Variants in DHX37 observed in about 807,000 individuals in gnomAD.
DHX37 encodes DEAH-box helicase 37, also known as probable ATP-dependent RNA helicase DHX37.
In DHX37, 52 loss-of-function variants were observed where a neutral mutation model predicts 134.3. That is an observed-to-expected ratio of 0.39 (90% confidence interval 0.31 to 0.49). The LOEUF is 0.49. DHX37 is among the 20% of genes least tolerant of loss of function. The probability of loss-of-function intolerance (pLI) is 0.93; values close to 1 mark genes in which losing one functional copy is unlikely to be tolerated. For synonymous variants in DHX37, 634 were observed against 670.7 expected, an observed-to-expected ratio of 0.95 and a Z score of 0.85; for missense variants, 1,344 against 1,580.8, an observed-to-expected ratio of 0.85 and a Z score of 2.54.
Position 124,980,546 on chromosome 12 carries a change from T to C in DHX37, c.682A>G (p.Arg228Gly), listed in dbSNP as rs529321042. ...PPPAAAPPLP[R>G]ALAKPAVFIP... is the part of the protein sequence containing the mutation. Reference sequence around the variant, plus strand: ...AAGACGGCGGGCTTAGCCAGGGCCCTGGGCAGTGGTGGGGCTGCAGCTGGA... The same window carrying C: ...AAGACGGCGGGCTTAGCCAGGGCCCCGGGCAGTGGTGGGGCTGCAGCTGGA... Residue 228 changes from arginine to glycine, a missense_variant, in exon 4 of 27, where the codon AGG becomes GGG. This residue lies in a region of DHX37 where 77 missense variants were observed against 121.6 expected (regional missense o/e 0.63). Coordinates refer to ENST00000308736, the MANE Select transcript of DHX37 (RefSeq NM_032656.4). The surrounding 1 kb of genome is among the most constrained non-coding windows in gnomAD (Gnocchi z 5.3). 1.2e-4 allele frequency: 200 copies of C among 1,612,374 alleles called. No homozygotes were observed. The South Asian group carries it at 2.1e-3, about 17-fold the overall frequency.
intron 16 of DHX37, among the ~76,000 whole-genome samples, chr12:124,957,556 C>T (rs996871953): frequency 1.3e-5 from 2 of 152,156 alleles, no homozygotes; most frequent in Non-Finnish European, 1.5e-5. Flanking sequence ...GAGGCTGAGG[C>T]GGGTAGATCA....
At chr12:124,957,405 T>C (rs1414839447) in intron 16 of DHX37, among the ~76,000 whole-genome samples, 2 of 152,204 alleles carry the variant, frequency 1.3e-5, no homozygotes, top group Middle Eastern at 6.3e-3. Flanking sequence ...CGCTGGGTGC[T>C]TTTTTCGGTT....
chr12:124,947,995 G>A, intron 26 of DHX37, 89 bp downstream of exon 26: 1 of 1,613,462 alleles, frequency 6.2e-7, no homozygotes, highest in East Asian at 2.2e-5. Context: ...CTTCTGCCAA[G>A]CCAGGGCTGA....
chr12:124,971,285 C>A lies in DHX37; in HGVS notation c.1191+17G>T. 1.9e-6 allele frequency: 3 copies of A among 1,609,482 alleles called. No individual in the cohort carries two copies. The highest frequency in any genetic ancestry group is 2.5e-6 in the Non-Finnish European group (3 of 1,178,898). On this transcript the variant is annotated intron_variant, in intron 8 of 26. Coordinates refer to ENST00000308736, the MANE Select transcript of DHX37 (RefSeq NM_032656.4). ...GCCTAGGGCTCGGGGCTCCCCAGCA[C>A]CCGCCTCCTGCGCTACCTTAGCCCG...
intron 5 of DHX37, among the ~76,000 whole-genome samples, chr12:124,976,576 T>C (rs534608087): frequency 4.3e-4 from 66 of 152,252 alleles, no homozygotes; most frequent in Admixed American, 2.9e-3. Flanking sequence ...ATGCCTGTAA[T>C]CCCAGCACTT....
In DHX37 at chr12:124,964,613, G is replaced by A. The variant is rs1326017860; in HGVS notation, c.1826C>T (p.Pro609Leu). 6.2e-7 allele frequency: 1 copy of A among 1,610,814 alleles called. No individual in the cohort carries two copies. Among genetic ancestry groups the A allele is most frequent in the Admixed American group, 1.7e-5 (1 of 58,340 alleles). ...AACACACAACCGAGTCCCCTCCGGT[G>A]GAGGCTTAAAGACCTAGGATTCGGG... ...PEKQAQVFKP[P>L]PEGTRLCVVA... Residue 609 changes from proline to leucine, a missense_variant, in exon 15 of 27, where the codon CCA (proline) becomes CTA (leucine). Around this residue, in one of 7 missense-constraint regions of DHX37, gnomAD observed 289 missense variants for 323.8 expected, o/e 0.89. Transcript: ENST00000308736.
Position 124,952,252 on chromosome 12 carries a change from G to A in DHX37, c.2868+146C>T, listed in dbSNP as rs545620991. On this transcript the variant is annotated intron_variant, in intron 21 of 26. Coordinates refer to ENST00000308736, the MANE Select transcript of DHX37 (RefSeq NM_032656.4). ...TTGGGAGAAACTAACCAAGGAAGAT[G>A]TGATTCTACTGCAAGCCCCACTTGT... 5.3e-5 allele frequency: 42 copies of A among 786,412 alleles called. 1 individual carries two copies. In the East Asian group the frequency reaches 1.2e-3, roughly 23 times the overall value. The allele number at this position is 786,412 out of a possible 1,614,324, so 48.7% of individuals were successfully genotyped here.
At position 124,950,400 on chromosome 12, in the gene DHX37, T is replaced by C. The variant is rs769371833; in HGVS notation, c.3121+13A>G. 5.2e-5 allele frequency: 83 copies of C among 1,598,510 alleles called. No homozygotes were observed. Among genetic ancestry groups the C allele is most frequent in the Non-Finnish European group, 6.8e-5 (80 of 1,172,604 alleles). Reference sequence around the variant, plus strand: ...AGGAGGCTCAGGTTGCCCAGGACACTGCCCCAACTCACAGAACACGCTGGC... The same window carrying C: ...AGGAGGCTCAGGTTGCCCAGGACACCGCCCCAACTCACAGAACACGCTGGC... On this transcript the variant is annotated intron_variant, in intron 23 of 26. Transcript: ENST00000308736.
chr12:124,985,490 A>G (rs1954849594), intron 2 of DHX37, among the ~76,000 whole-genome samples: 1 of 151,516 alleles, frequency 6.6e-6, no homozygotes, highest in Non-Finnish European at 1.5e-5. Context: ...TAATCCCAGC[A>G]CTTTGGGAGG....
Position 124,960,321 on chromosome 12 carries a change from G to C in DHX37, c.2148C>G (p.Asn716Lys), listed in dbSNP as rs766329234. 20 of 1,613,408 alleles carry C rather than the reference G, an allele frequency of 1.2e-5. No homozygotes were observed. Among genetic ancestry groups the C allele is most frequent in the Non-Finnish European group, 1.7e-5 (20 of 1,179,516 alleles). ...GGGGGCAGCAACTGACCTTTTCAAC[G>C]TTGAGCGCCTTCATTTGAAGGATTA... ...EDLILQMKAL[N>K]VEKVINFPFP... is the part of the protein sequence containing the mutation. The change falls in exon 16 of 27, where the codon AAC becomes AAG. Residue 716 changes from asparagine to lysine, a missense_variant. By Grantham distance (94) the Asn-to-Lys change is moderately conservative (BLOSUM62 0). Transcript: ENST00000308736.
At position 124,986,319 on chromosome 12, in the gene DHX37, G is replaced by A. The variant is rs180864276; in HGVS notation, c.107-54C>T. 9.6e-5 allele frequency: 152 copies of A among 1,588,564 alleles called. 1 individual carries two copies. In the African/African-American group the frequency reaches 1.6e-3, roughly 17 times the overall value. On this transcript the variant is annotated intron_variant, in intron 1 of 26. Coordinates refer to ENST00000308736, the MANE Select transcript of DHX37 (RefSeq NM_032656.4). Reference sequence around the variant, plus strand: ...TTCTCCTTGAGGTAGCTCTGGTCCCGCCTCCCACAAGCCCCCTGACTTGCA... The same window carrying A: ...TTCTCCTTGAGGTAGCTCTGGTCCCACCTCCCACAAGCCCCCTGACTTGCA...
At chr12:124,948,015 A>T (rs1259339200) in intron 26 of DHX37, 69 bp downstream of exon 26, 1 of 1,613,782 alleles carries the variant, frequency 6.2e-7, no homozygotes, top group African/African-American at 1.3e-5. Context: ...ACCGTGCACA[A>T]AGCACAAAGC....
chr12:124,959,601 C>A (rs1954185078), intron 16 of DHX37, among the ~76,000 whole-genome samples: 1 of 152,138 alleles, frequency 6.6e-6, no homozygotes, highest in Non-Finnish European at 1.5e-5. Flanking sequence ...TTCACAAAAC[C>A]ACAGGAATAA....
chr12:124,981,680 C>A (rs1279943946), intron 3 of DHX37, among the ~76,000 whole-genome samples: 1 of 151,914 alleles, frequency 6.6e-6, no homozygotes, highest in South Asian at 2.1e-4. Context: ...GGTGATCCAC[C>A]CGCCTCGGCC....
rs1423666547 is a variant in DHX37, at chr12:124,954,807, T to A, written c.2454-596A>T. ...TGGCTTCCAAACCTGAAAATAATAC[T>A]AACACTTAACATATGTGTCAGGCAC... On this transcript the variant is annotated intron_variant, in intron 18 of 26. Coordinates refer to ENST00000308736, the MANE Select transcript of DHX37 (RefSeq NM_032656.4). Among the ~76,000 whole-genome samples, 4 of 152,204 alleles carry A rather than the reference T, an allele frequency of 2.6e-5. No individual in the cohort carries two copies. In the East Asian group the frequency reaches 7.7e-4, roughly 29 times the overall value.
chr12:124,953,885 G>T lies in DHX37; in HGVS notation c.2690C>A (p.Thr897Asn). Reference sequence around the variant, plus strand: ...GTGCCGGCACGGGGCCGTACCTGCGGTGGTCAGCTGGCCCCGCAGGCGCCG... The same window carrying T: ...GTGCCGGCACGGGGCCGTACCTGCGTTGGTCAGCTGGCCCCGCAGGCGCCG... ...EIRRLRGQLTTAVNAVCPEAE... is the reference protein window; with the variant it reads ...EIRRLRGQLTNAVNAVCPEAE... Residue 897 changes from threonine to asparagine, a missense_variant, in exon 20 of 27, where the codon ACC becomes AAC. Thr to Asn is a moderately conservative substitution (Grantham distance 65). This residue lies in a region of DHX37 where 558 missense variants were observed against 650.0 expected (regional missense o/e 0.86). Coordinates refer to ENST00000308736, the MANE Select transcript of DHX37 (RefSeq NM_032656.4). The T allele has an allele frequency of 1.2e-6, 2 of 1,611,388 alleles. No individual in the cohort carries two copies. The highest frequency in any genetic ancestry group is 1.7e-6 in the Non-Finnish European group (2 of 1,179,214).
intron 1 of DHX37, among the ~76,000 whole-genome samples, chr12:124,988,356 C>G (rs1954914572): frequency 6.6e-6 from 1 of 152,148 alleles, no homozygotes; most frequent in Non-Finnish European, 1.5e-5. Flanking sequence ...TGCAACCCAC[C>G]CAATGGCCTC....
rs151169991 is a variant in DHX37, at chr12:124,957,644, G to A, written c.2158-509C>T. On this transcript the variant is annotated intron_variant, in intron 16 of 26. Transcript: ENST00000308736. The stretch of plus-strand genomic sequence containing the variant: ...TCTACTAAAAATACAAAAATTAGCC[G>A]GGTGTGGTGGCGCTCGCCTGTAGTC... Among the ~76,000 whole-genome samples, 246 of 152,160 alleles carry A rather than the reference G, an allele frequency of 1.6e-3. 1 individual carries two copies. Among genetic ancestry groups the A allele is most frequent in the African/African-American group, 5.5e-3 (228 of 41,512 alleles).
rs748202911 is a variant in DHX37 at position 124,949,608 on chromosome 12, G to C, written c.3290+378C>G. Among the ~76,000 whole-genome samples the C allele has an allele frequency of 6.6e-5, 10 of 152,190 alleles. No homozygotes were observed. Among genetic ancestry groups the C allele is most frequent in the Non-Finnish European group, 1.0e-4 (7 of 68,024 alleles). On this transcript the variant is annotated intron_variant, in intron 25 of 26. Transcript: ENST00000308736. This position sits in a 1 kb window ranked among gnomAD's most constrained non-coding sequence, Gnocchi z 4.0. ...GAACATCAGCGTGTGACCTTATATG[G>C]AAAGAGGGTCACTGCAAATGTCATG...
Sources: gnomAD v4.1 joint callset for allele counts (sites outside exome capture counted in the v4.1 genomes callset) on GRCh38, gnomAD v4.1.1 for gene constraint, gnomAD v4.1.1 regional missense constraint, Gnocchi (gnomAD v3.1) non-coding constraint, MANE v1.5 for transcripts, NCBI Gene and HGNC (gene_info 2026-07-23, HGNC 2026-07-21) for gene names.